The following SLC22A5 variants were observed in gnomAD, a reference collection of about 807,000 sequenced individuals.
SLC22A5 encodes the protein organic cation/carnitine transporter 2.
A neutral mutation model predicts 56.7 loss-of-function variants in SLC22A5; 44 were observed. The ratio of observed to expected loss-of-function variants is 0.78; its 90% confidence interval spans 0.61 to 1.00. The LOEUF (loss-of-function observed/expected upper bound fraction) is 1.00. Ranked by LOEUF, SLC22A5 falls within the 50% of genes least tolerant of loss-of-function variation. SLC22A5 has a pLI of 0.00. For synonymous variants in SLC22A5, 278 were observed against 292.1 expected, an observed-to-expected ratio of 0.95 and a Z score of 0.49; for missense variants, 675 against 723.0, an observed-to-expected ratio of 0.93 and a Z score of 0.76.
Position 132,370,095 on chromosome 5 carries a change from C to G in SLC22A5, c.123C>G (p.Phe41Leu), listed in dbSNP as rs2126764960. The part of the protein sequence containing the change: ...PNGFTGLSSV[F>L]LIATPEHRCR... Reference sequence around the variant, plus strand: ...GCTTCACCGGCCTGTCCTCCGTGTTCCTGATAGCGACCCCGGAGCACCGCT... The same window carrying G: ...GCTTCACCGGCCTGTCCTCCGTGTTGCTGATAGCGACCCCGGAGCACCGCT... The change falls in exon 1 of 10, where the codon TTC (phenylalanine) becomes TTG (leucine). Residue 41 changes from phenylalanine to leucine, a missense_variant. By Grantham distance (22) the Phe-to-Leu change is conservative. Transcript: ENST00000245407. 2 of 1,612,600 alleles carry G rather than the reference C, an allele frequency of 1.2e-6. No individual in the cohort carries two copies. Among genetic ancestry groups the G allele is most frequent in the Non-Finnish European group, 1.7e-6 (2 of 1,179,582 alleles).
chr5:132,387,363 C>T (rs1752570358), intron 5 of SLC22A5, among the ~76,000 whole-genome samples: 1 of 150,964 alleles, frequency 6.6e-6, no homozygotes, highest in Non-Finnish European at 1.5e-5. Flanking sequence ...CTGCCTCACT[C>T]TTTTCACCAC....
intron 9 of SLC22A5, 126 bp from the exon 10 acceptor site, chr5:132,394,059 G>A: frequency 2.5e-6 from 2 of 813,430 alleles, no homozygotes; most frequent in Non-Finnish European, 2.1e-6. Context: ...GAGGCTAGAA[G>A]AAACCTTTCA....
chr5:132,369,940 C>A lies in SLC22A5; in HGVS notation c.-33C>A. 1.2e-6 allele frequency: 2 copies of A among 1,610,052 alleles called. No homozygotes were observed. The highest frequency in any genetic ancestry group is 1.7e-6 in the Non-Finnish European group (2 of 1,178,664). The stretch of plus-strand genomic sequence containing the variant: ...GCAAAGCCCGCCGCGTTCCCCGACC[C>A]CAGGCCGCGCTCTGTGGGCCTCTGA... On this transcript the variant is annotated 5_prime_UTR_variant, in exon 1 of 10. Transcript: ENST00000245407.
rs1241134779 is a variant in SLC22A5 at position 132,395,237 on chromosome 5, A to C, written c.*965A>C. 1 of 148,078 alleles carries C rather than the reference A, an allele frequency of 6.8e-6. No individual in the cohort carries two copies. The highest frequency in any genetic ancestry group is 1.5e-5 in the Non-Finnish European group (1 of 66,970). 9.2% of individuals were successfully genotyped at this position (148,078 alleles called of 1,614,324 possible). ...TTTTTTTTTTTTTTTTTAAAACAGAATCACTCTGGCAATTGTCTGCAGCTG... is the reference window on the plus strand; with the variant it reads ...TTTTTTTTTTTTTTTTTAAAACAGACTCACTCTGGCAATTGTCTGCAGCTG... On this transcript the variant is annotated 3_prime_UTR_variant, in exon 10 of 10. Coordinates refer to ENST00000245407, the MANE Select transcript of SLC22A5 (RefSeq NM_003060.4).
rs2126794251 is a variant in SLC22A5 at position 132,395,321 on chromosome 5, A to T, written c.*1049A>T. On this transcript the variant is annotated 3_prime_UTR_variant, in exon 10 of 10. Transcript: ENST00000245407. ...TAGCACTTCTCTAAGTGCCAAAAAC[A>T]GTGTCATTGTGTGTGTTCCTTTCTT... 1 of 150,720 alleles carries T rather than the reference A, an allele frequency of 6.6e-6. No homozygotes were observed. The highest frequency in any genetic ancestry group is 2.4e-5 in the African/African-American group (1 of 41,234). 9.3% of individuals were successfully genotyped at this position (150,720 alleles called of 1,614,324 possible). A position where few individuals can be genotyped will look rare whatever the true frequency, so the allele number is the denominator to read the frequency against.
rs1489260087 is a variant in SLC22A5 at position 132,387,053 on chromosome 5, A to T, written c.853A>T (p.Ile285Phe). The change falls in exon 5 of 10, where the codon ATC (isoleucine) becomes TTC (phenylalanine). Residue 285 changes from isoleucine to phenylalanine, a missense_variant. By Grantham distance (21) the Ile-to-Phe change is conservative (BLOSUM62 0). Coordinates refer to ENST00000245407, the MANE Select transcript of SLC22A5 (RefSeq NM_003060.4). ...WFIPESPRWLISQGRFEEAEV... is the reference protein window; with the variant it reads ...WFIPESPRWLFSQGRFEEAEV... ...CATCCCTGAGTCCCCCCGATGGCTC[A>T]TCTCTCAGGGACGATTTGAAGAGGC... 6 of 1,613,994 alleles carry T rather than the reference A, an allele frequency of 3.7e-6. No homozygotes were observed. Among genetic ancestry groups the T allele is most frequent in the Non-Finnish European group, 5.1e-6 (6 of 1,179,980 alleles).
chr5:132,386,803 G>T (rs1040196802), intron 4 of SLC22A5, among the ~76,000 whole-genome samples: 1 of 152,226 alleles, frequency 6.6e-6, no homozygotes, highest in African/African-American at 2.4e-5. Flanking sequence ...GTCAGGGGGT[G>T]CAGGGCTCTC....
chr5:132,394,303 G>A lies in SLC22A5; in HGVS notation c.*31G>A, dbSNP rs1286104240. ...CTTCCAGTAAGGGAGAAACTGAAGAGGAAAGACTGTCTTGCCAGAAATGGC... is the reference window on the plus strand; with the variant it reads ...CTTCCAGTAAGGGAGAAACTGAAGAAGAAAGACTGTCTTGCCAGAAATGGC... On this transcript the variant is annotated 3_prime_UTR_variant, in exon 10 of 10. Coordinates refer to ENST00000245407, the MANE Select transcript of SLC22A5 (RefSeq NM_003060.4). The A allele has an allele frequency of 1.5e-5, 22 of 1,490,264 alleles. No individual in the cohort carries two copies. The highest frequency in any genetic ancestry group is 1.8e-5 in the Non-Finnish European group (19 of 1,067,176). The allele number at this position is 1,490,264 out of a possible 1,614,324, so 92.3% of individuals were successfully genotyped here.
At chr5:132,385,922 A>G (rs944138437) in intron 4 of SLC22A5, among the ~76,000 whole-genome samples, 4 of 152,222 alleles carry the variant, frequency 2.6e-5, no homozygotes, top group African/African-American at 9.6e-5. Context: ...CTTCTGCACC[A>G]CCAAGGTAGA....
chr5:132,387,043 C>G lies in SLC22A5; in HGVS notation c.843C>G (p.Pro281=), dbSNP rs764544978. The stretch of plus-strand genomic sequence containing the variant: ...CTGCCAGGTTCATCCCTGAGTCCCC[C>G]CGATGGCTCATCTCTCAGGGACGAT... The part of the protein sequence containing the change: ...VALWWFIPES[P]RWLISQGRFE... Residue 281 remains proline (P), a synonymous_variant, in exon 5 of 10, where the codon CCC becomes CCG. Transcript: ENST00000245407. 3 of 1,614,008 alleles carry G rather than the reference C, an allele frequency of 1.9e-6. No homozygotes were observed. The highest frequency in any genetic ancestry group is 1.6e-4 in the Middle Eastern group (1 of 6,084).
intron 5 of SLC22A5, chr5:132,387,781 A>T (rs191248431): frequency 1.5e-3 from 242 of 160,666 alleles, no homozygotes; most frequent in African/African-American, 5.5e-3. Context: ...GGCTCTACCT[A>T]GTTCCTGGTT....
rs886043153 is a variant in SLC22A5, at chr5:132,392,532, C to G, written c.1367C>G (p.Thr456Arg). Residue 456 changes from threonine (T) to arginine (R), a missense_variant, in exon 8 of 10, where the codon ACA (threonine) becomes AGA (arginine). Physicochemically the swap from Thr to Arg is moderately conservative, Grantham distance 71. Transcript: ENST00000245407. ...GTGTACACAGCCGAGCTGTATCCCACAGTGGTGAGAAACATGGGTGTGGGA... is the reference window on the plus strand; with the variant it reads ...GTGTACACAGCCGAGCTGTATCCCAGAGTGGTGAGAAACATGGGTGTGGGA... ...VYVYTAELYP[T>R]VVRNMGVGVS... 9 of 1,614,166 alleles carry G rather than the reference C, an allele frequency of 5.6e-6. No homozygotes were observed. The highest frequency in any genetic ancestry group is 7.6e-6 in the Non-Finnish European group (9 of 1,180,010).
At chr5:132,376,773 G>A (rs1404708900) in intron 1 of SLC22A5, 1 of 152,218 alleles carries the variant, frequency 6.6e-6, no homozygotes, top group Admixed American at 6.5e-5. Flanking sequence ...GGCCCCTGAA[G>A]CTTGGCCTCA....
chr5:132,384,395 G>A, intron 3 of SLC22A5, 94 bp downstream of exon 3: 1 of 1,296,054 alleles, frequency 7.7e-7, no homozygotes, highest in Non-Finnish European at 1.1e-6. Flanking sequence ...TGTCCCTCAA[G>A]GGGGACAGGG....
intron 1 of SLC22A5, among the ~76,000 whole-genome samples, chr5:132,373,138 ATAATT>A (rs773915404): frequency 1.1e-4 from 17 of 152,224 alleles, no homozygotes; most frequent in South Asian, 8.3e-4. Context: ...GAGTTAATGA[ATAATT>A]TAAGAAATCA....
chr5:132,375,481 ATCTTTTT>A (rs1458626439), intron 1 of SLC22A5, among the ~76,000 whole-genome samples: 1 of 152,208 alleles, frequency 6.6e-6, no homozygotes, highest in Admixed American at 6.5e-5. Context: ...CACACACCCT[ATCTTTTT>A]TCCCTTCCTG....
intron 2 of SLC22A5, chr5:132,378,760 C>T (rs1413306995): frequency 2.3e-6 from 1 of 442,114 alleles, no homozygotes; most frequent in Non-Finnish European, 4.2e-6. Context: ...TCTGCAGTAG[C>T]CTGGCTTGCC....
chr5:132,370,953 C>CTTTTTTTTTTTTTT lies in SLC22A5; in HGVS notation c.393+600_393+601insTTTTTTTTTTTTTT, dbSNP rs750736082. On this transcript the variant is annotated intron_variant, in intron 1 of 9. Transcript: ENST00000245407. ...CCTTTTCCCATGGTCAGTTGTCAGT[C>CTTTTTTTTTTTTTT]TTTTTTTTTTTTGAGACAGAGTCTC... Among the ~76,000 whole-genome samples, 819 of 133,598 alleles carry CTTTTTTTTTTTTTT rather than the reference C, an allele frequency of 6.1e-3. 28 individuals are homozygous for CTTTTTTTTTTTTTT. Among genetic ancestry groups the CTTTTTTTTTTTTTT allele is most frequent in the African/African-American group, 0.018 (654 of 36,776 alleles). The allele number at this position is 133,598 out of a possible 152,430, so 87.6% of individuals were successfully genotyped here.
At chr5:132,379,635 C>G (rs1323445117) in intron 2 of SLC22A5, 1 of 152,156 alleles carries the variant, frequency 6.6e-6, no homozygotes, top group African/African-American at 2.4e-5. Context: ...CAGGCATGCA[C>G]CACCATGCCC....
Sources: gnomAD v4.1 joint callset for allele counts (sites outside exome capture counted in the v4.1 genomes callset) on GRCh38, gnomAD v4.1.1 for gene constraint, MANE v1.5 for transcripts, NCBI Gene and HGNC (gene_info 2026-07-23, HGNC 2026-07-21) for gene names.